The following IL15 variants were observed in gnomAD, a reference collection of about 807,000 sequenced individuals.
The protein encoded by IL15 is interleukin-15.
IL15 carries 11 observed loss-of-function variants against 19.6 expected under a neutral mutation model. The observed-to-expected ratio is 0.56, with a 90% CI of 0.35 to 0.93. IL15 has a LOEUF of 0.93. Among genes scored for constraint, IL15 ranks in the 40% least tolerant of loss-of-function variants. The pLI is 0.01. For missense variants in IL15, 197 were observed against 186.5 expected, an observed-to-expected ratio of 1.06 and a Z score of -0.33; for synonymous variants, 58 against 59.6, an observed-to-expected ratio of 0.97 and a Z score of 0.12.
intron 2 of IL15, among the ~76,000 whole-genome samples, chr4:141,688,368 A>C (rs913746659): frequency 6.6e-6 from 1 of 152,250 alleles, no homozygotes; most frequent in Non-Finnish European, 1.5e-5. Context: ...AATGTGTTAA[A>C]TAACAGCTTC....
At chr4:141,684,836 C>G (rs752263574) in intron 2 of IL15, among the ~76,000 whole-genome samples, 3 of 152,144 alleles carry the variant, frequency 2.0e-5, no homozygotes, top group South Asian at 4.1e-4. Flanking sequence ...ATGCTGTCCT[C>G]ACCTAAACAT....
At chr4:141,699,882 C>T (rs945613608) in intron 2 of IL15, among the ~76,000 whole-genome samples, 2 of 151,944 alleles carry the variant, frequency 1.3e-5, no homozygotes, top group African/African-American at 4.8e-5. Context: ...TAGATACTTT[C>T]TTTTTTATTG....
At chr4:141,688,577 ATTG>A (rs1382190040) in intron 2 of IL15, among the ~76,000 whole-genome samples, 14 of 152,210 alleles carry the variant, frequency 9.2e-5, no homozygotes, top group Non-Finnish European at 2.9e-5. Context: ...AAGGTTAAAG[ATTG>A]TTGTTCTTTC....
At chr4:141,711,697 C>T (rs762064886) in intron 2 of IL15, among the ~76,000 whole-genome samples, 1 of 152,084 alleles carries the variant, frequency 6.6e-6, no homozygotes, top group Non-Finnish European at 1.5e-5. Context: ...GTTACTAATT[C>T]TGCATACTTA....
chr4:141,662,057 T>C (rs1727809366), intron 2 of IL15, among the ~76,000 whole-genome samples: 1 of 152,242 alleles, frequency 6.6e-6, no homozygotes, highest in African/African-American at 2.4e-5. Flanking sequence ...CAGATTTCTT[T>C]CAGAGAATAA....
At chr4:141,669,871 G>A (rs1419213368) in intron 2 of IL15, among the ~76,000 whole-genome samples, 1 of 151,482 alleles carries the variant, frequency 6.6e-6, no homozygotes, top group Non-Finnish European at 1.5e-5. Flanking sequence ...TCATGACAGA[G>A]CCTTGACTGA....
At chr4:141,656,454 C>A (rs1322816241) in intron 2 of IL15, 147 bp downstream of exon 2, 1 of 389,786 alleles carries the variant, frequency 2.6e-6, no homozygotes, top group Non-Finnish European at 4.5e-6. Context: ...AAAATATACC[C>A]TTTGTTATTG....
chr4:141,687,406 GC>G (rs1227889529), intron 2 of IL15, among the ~76,000 whole-genome samples: 1 of 152,028 alleles, frequency 6.6e-6, no homozygotes, highest in Non-Finnish European at 1.5e-5. Flanking sequence ...GGAAATGCTG[GC>G]AGCCTGCCTG....
chr4:141,721,157 G>A, intron 4 of IL15: 2 of 1,312,548 alleles, frequency 1.5e-6, no homozygotes, highest in Non-Finnish European at 1.1e-6. Context: ...TCATGGTATT[G>A]GGAACCATAG....
At chr4:141,688,293 C>G (rs1371589918) in intron 2 of IL15, among the ~76,000 whole-genome samples, 4 of 152,098 alleles carry the variant, frequency 2.6e-5, no homozygotes, top group African/African-American at 9.7e-5. Flanking sequence ...GTACATAAAC[C>G]AGTCTCAGAG....
intron 2 of IL15, among the ~76,000 whole-genome samples, chr4:141,682,649 CACTGAA>C (rs1376682890): frequency 2.0e-5 from 3 of 152,060 alleles, no homozygotes; most frequent in Non-Finnish European, 1.5e-5. Context: ...GGAAAGCCAA[CACTGAA>C]ACCTTCTCTG....
At chr4:141,668,171 T>C (rs1454540913) in intron 2 of IL15, among the ~76,000 whole-genome samples, 1 of 152,242 alleles carries the variant, frequency 6.6e-6, no homozygotes, top group African/African-American at 2.4e-5. Flanking sequence ...AGATAATACA[T>C]AGTGCCACAT....
intron 2 of IL15, among the ~76,000 whole-genome samples, chr4:141,708,408 T>C (rs536854661): frequency 6.6e-6 from 1 of 152,272 alleles, no homozygotes; most frequent in South Asian, 2.1e-4. Flanking sequence ...AAGAAGCCAT[T>C]GAGCTCTATC....
rs149728663 is a variant in IL15 at position 141,710,190 on chromosome 4, A to T, written c.-99-9176A>T. 1.2e-4 allele frequency among the ~76,000 whole-genome samples: 19 copies of T among 152,272 alleles called. No individual in the cohort carries two copies. In the East Asian group the frequency reaches 3.5e-3, roughly 28 times the overall value. On this transcript the variant is annotated intron_variant, in intron 2 of 7. Transcript: ENST00000320650. ...TTACTGCAGGGCCTCAGCAATGGAG[A>T]CAGTTATTGGCCCCTGGGGCAGGAT...
At chr4:141,670,772 T>C (rs1345503388) in intron 2 of IL15, among the ~76,000 whole-genome samples, 1 of 152,216 alleles carries the variant, frequency 6.6e-6, no homozygotes. Context: ...AGTTTTAGAT[T>C]CAACATTATG....
At chr4:141,709,536 C>T (rs1729643570) in intron 2 of IL15, among the ~76,000 whole-genome samples, 1 of 151,796 alleles carries the variant, frequency 6.6e-6, no homozygotes, top group African/African-American at 2.4e-5. Context: ...TTTTATACAA[C>T]AAAAATTGGG....
chr4:141,686,175 A>T (rs763608567), intron 2 of IL15, among the ~76,000 whole-genome samples: 3 of 152,062 alleles, frequency 2.0e-5, no homozygotes, highest in Non-Finnish European at 4.4e-5. Flanking sequence ...GTCACCTATA[A>T]TCCCAGCTAC....
At position 141,722,005 on chromosome 4, in the gene IL15, T is replaced by G; in HGVS notation, c.192T>G (p.Ile64Met). Residue 64 changes from isoleucine to methionine, a missense_variant, in exon 5 of 8, where the codon ATT becomes ATG. Transcript: ENST00000320650. ...ISDLKKIEDL[I>M]QSMHIDATLY... is the part of the protein sequence containing the mutation. Reference sequence around the variant, plus strand: ...ATTTGAAAAAAATTGAAGATCTTATTCAAGTGAGTACTCATTTTTCCATAA... The same window carrying G: ...ATTTGAAAAAAATTGAAGATCTTATGCAAGTGAGTACTCATTTTTCCATAA... 1.3e-6 allele frequency: 2 copies of G among 1,586,818 alleles called. No individual in the cohort carries two copies. The highest frequency in any genetic ancestry group is 1.7e-6 in the Non-Finnish European group (2 of 1,159,842).
intron 7 of IL15, among the ~76,000 whole-genome samples, chr4:141,731,799 AATG>A (rs1488839269): frequency 1.2e-4 from 19 of 152,184 alleles, no homozygotes; most frequent in Non-Finnish European, 2.5e-4. Flanking sequence ...CCAAATAGTT[AATG>A]GATATAAAAT....
Sources: allele counts gnomAD v4.1 joint callset (sites outside exome capture counted in the v4.1 genomes callset), GRCh38; gene constraint gnomAD v4.1.1; transcripts MANE v1.5; gene names NCBI Gene and HGNC (gene_info 2026-07-23, HGNC 2026-07-21).